GALNTL6: variants seen among roughly 807,000 people sequenced by gnomAD.
GALNTL6 encodes polypeptide N-acetylgalactosaminyltransferase like 6, also known as polypeptide N-acetylgalactosaminyltransferase-like 6.
GALNTL6 carries 46 observed loss-of-function variants against 73.7 expected under a neutral mutation model. The observed-to-expected ratio is 0.62, with a 90% CI of 0.49 to 0.80. The LOEUF (loss-of-function observed/expected upper bound fraction) is 0.80, where lower values mean the gene tolerates loss of function less well. Among genes scored for constraint, GALNTL6 ranks in the 30% least tolerant of loss-of-function variants. GALNTL6 has a pLI of 0.00. For synonymous variants in GALNTL6, 259 were observed against 263.7 expected, an observed-to-expected ratio of 0.98 and a Z score of 0.17; for missense variants, 604 against 755.0, an observed-to-expected ratio of 0.80 and a Z score of 2.34.
intron 5 of GALNTL6, among the ~76,000 whole-genome samples, chr4:172,441,482 A>G (rs1731836182): frequency 6.6e-6 from 1 of 152,082 alleles, no homozygotes; most frequent in Admixed American, 6.6e-5. Flanking sequence ...GCCCAACAAG[A>G]TGCTGCTCTG....
chr4:172,827,345 C>T (rs749349066), intron 7 of GALNTL6, among the ~76,000 whole-genome samples: 2 of 152,098 alleles, frequency 1.3e-5, no homozygotes, highest in African/African-American at 4.8e-5. Context: ...CCACCCTTTG[C>T]GGGTTACAGA....
intron 5 of GALNTL6, among the ~76,000 whole-genome samples, chr4:172,373,104 G>T (rs181936941): frequency 6.6e-6 from 1 of 152,324 alleles, no homozygotes; most frequent in African/African-American, 2.4e-5. Context: ...GGACCAGAGT[G>T]CCTGGACTTG....
chr4:172,990,345 A>G (rs4574385), intron 10 of GALNTL6, among the ~76,000 whole-genome samples: 87,384 of 152,062 alleles, frequency 0.57, 26,622 homozygotes, highest in South Asian at 0.72. Flanking sequence ...TCATAGGAGT[A>G]TACTTTCTTC....
At chr4:172,957,702 A>G (rs1056124870) in intron 10 of GALNTL6, among the ~76,000 whole-genome samples, 2 of 152,336 alleles carry the variant, frequency 1.3e-5, no homozygotes, top group South Asian at 4.1e-4. Flanking sequence ...ATGGTGGTGC[A>G]GGATATGGAA....
intron 5 of GALNTL6, among the ~76,000 whole-genome samples, chr4:172,490,325 A>C (rs191621576): frequency 2.6e-5 from 4 of 152,314 alleles, no homozygotes; most frequent in Admixed American, 2.6e-4. Context: ...TCCTTTTCTG[A>C]GTCTGGGTAA....
intron 5 of GALNTL6, among the ~76,000 whole-genome samples, chr4:172,519,152 TATAA>T (rs1734698788): frequency 2.0e-5 from 3 of 150,762 alleles, no homozygotes; most frequent in South Asian, 2.1e-4. Flanking sequence ...AATATATATA[TATAA>T]ATATGTTTAA....
intron 10 of GALNTL6, among the ~76,000 whole-genome samples, chr4:172,986,902 C>T (rs79086521): frequency 3.9e-5 from 6 of 152,122 alleles, no homozygotes; most frequent in East Asian, 3.9e-4. Flanking sequence ...AGTCCAAATC[C>T]GAAATATGGA....
intron 5 of GALNTL6, among the ~76,000 whole-genome samples, chr4:172,714,951 A>G (rs1734972621): frequency 6.6e-6 from 1 of 151,696 alleles, no homozygotes; most frequent in African/African-American, 2.4e-5. Flanking sequence ...GATTCTCCAT[A>G]ATATTTCTTT....
At chr4:172,461,018 C>T (rs1016500231) in intron 5 of GALNTL6, among the ~76,000 whole-genome samples, 2 of 152,106 alleles carry the variant, frequency 1.3e-5, no homozygotes. Context: ...CCATATATAC[C>T]ATGGAATACT....
chr4:172,366,198 A>G (rs1742552328), intron 5 of GALNTL6, among the ~76,000 whole-genome samples: 1 of 152,184 alleles, frequency 6.6e-6, no homozygotes, highest in Non-Finnish European at 1.5e-5. Context: ...TTTTACATAG[A>G]TCTGGTTTAC....
intron 7 of GALNTL6, among the ~76,000 whole-genome samples, chr4:172,833,893 T>G (rs1476016044): frequency 1.3e-5 from 2 of 152,064 alleles, no homozygotes; most frequent in African/African-American, 2.4e-5. Context: ...GATGGGTGGA[T>G]CAACTGAGGT....
chr4:172,418,859 T>C (rs1730944016), intron 5 of GALNTL6, among the ~76,000 whole-genome samples: 1 of 152,198 alleles, frequency 6.6e-6, no homozygotes, highest in Admixed American at 6.5e-5. Context: ...TCAACATTTT[T>C]ATTTAAAGGT....
intron 2 of GALNTL6, among the ~76,000 whole-genome samples, chr4:171,843,523 T>G (rs1735294481): frequency 6.6e-6 from 1 of 152,118 alleles, no homozygotes; most frequent in Non-Finnish European, 1.5e-5. Flanking sequence ...ATTCTACCTA[T>G]TTTTCTACTT....
At chr4:172,089,105 A>T (rs1478725832) in intron 2 of GALNTL6, among the ~76,000 whole-genome samples, 1 of 152,186 alleles carries the variant, frequency 6.6e-6, no homozygotes, top group East Asian at 1.9e-4. Flanking sequence ...TATTTCTGAG[A>T]ATAGACCAGT....
intron 2 of GALNTL6, among the ~76,000 whole-genome samples, chr4:171,961,990 C>A (rs1317737411): frequency 6.6e-6 from 1 of 152,260 alleles, no homozygotes; most frequent in East Asian, 1.9e-4. Context: ...ACTCTTAAAT[C>A]GAACACTTAT....
intron 5 of GALNTL6, among the ~76,000 whole-genome samples, chr4:172,526,566 C>T (rs1734961361): frequency 6.6e-6 from 1 of 152,056 alleles, no homozygotes; most frequent in Admixed American, 6.6e-5. Context: ...ATTAGCTAAG[C>T]CTGTTAGTAT....
Position 173,040,052 on chromosome 4 carries a change from C to T in GALNTL6, c.1758C>T (p.His586=). The change falls in exon 13 of 13, where the codon CAC becomes CAT. Residue 586 remains histidine, a synonymous_variant. Transcript: ENST00000506823. ...AGACTCAGCAGTGGATTTTTGAACA[C>T]ATTAATATGACTGTTTTAGAAAAAT... ...LSETQQWIFE[H]INMTVLEKFN... 6.2e-7 allele frequency: 1 copy of T among 1,613,158 alleles called. No homozygotes were observed. Among genetic ancestry groups the T allele is most frequent in the Non-Finnish European group, 8.5e-7 (1 of 1,179,282 alleles).
chr4:172,163,435 T>C (rs1560948823), intron 2 of GALNTL6, among the ~76,000 whole-genome samples: 1 of 151,754 alleles, frequency 6.6e-6, no homozygotes, highest in Admixed American at 6.6e-5. Flanking sequence ...ACTGTGTAGA[T>C]AGTAGGTAAA....
chr4:172,830,680 AGATT>A (rs1024310845), intron 7 of GALNTL6, among the ~76,000 whole-genome samples: 2 of 152,196 alleles, frequency 1.3e-5, no homozygotes, highest in Admixed American at 6.5e-5. Flanking sequence ...ATAGGTGAGT[AGATT>A]GATTGAGAAA....
Sources: gnomAD v4.1 joint callset for allele counts (sites outside exome capture counted in the v4.1 genomes callset) on GRCh38, gnomAD v4.1.1 for gene constraint, MANE v1.5 for transcripts, NCBI Gene and HGNC (gene_info 2026-07-23, HGNC 2026-07-21) for gene names.